WIPI2: variants seen among roughly 807,000 people sequenced by gnomAD.
WIPI2 encodes the protein WD repeat domain phosphoinositide-interacting protein 2.
WIPI2 carries 28 observed loss-of-function variants against 52.3 expected under a neutral mutation model. The observed-to-expected ratio is 0.54, with a 90% confidence interval of 0.40 to 0.73. The LOEUF (loss-of-function observed/expected upper bound fraction) is 0.73. Among genes scored for constraint, WIPI2 ranks in the 30% least tolerant of loss-of-function variants. The probability of loss-of-function intolerance (pLI) is 0.00; values close to 1 mark genes in which losing one functional copy is unlikely to be tolerated. For missense variants in WIPI2, 506 were observed against 602.9 expected (o/e 0.84, Z 1.68); for synonymous variants, 268 against 245.0 (o/e 1.09, Z -0.88).
At chr7:5,202,504 C>T (rs1202966173) in intron 3 of WIPI2, among the ~76,000 whole-genome samples, 2 of 152,118 alleles carry the variant, frequency 1.3e-5, no homozygotes, top group African/African-American at 2.4e-5. Context: ...CCTCCTCAGC[C>T]TCCTGAGTAG....
chr7:5,222,644 C>G lies in WIPI2; in HGVS notation c.712C>G (p.Leu238Val). The G allele has an allele frequency of 1.2e-6, 2 of 1,614,112 alleles. No individual in the cohort carries two copies. Among genetic ancestry groups the G allele is most frequent in the Non-Finnish European group, 1.7e-6 (2 of 1,179,974 alleles). Residue 238 changes from leucine to valine, a missense_variant, in exon 8 of 13, where the codon CTC (leucine) becomes GTC (valine). Physicochemically the swap from Leu to Val is conservative, Grantham distance 32. This residue lies in a region of WIPI2 where 237 missense variants were observed against 346.9 expected (regional missense o/e 0.68). Transcript: ENST00000288828. Reference sequence around the variant, plus strand: ...ATTTTCCATTCCAGAAGGACAAAAACTCTTTGAGTTTCGGAGAGGAGTAAA... The same window carrying G: ...ATTTTCCATTCCAGAAGGACAAAAAGTCTTTGAGTTTCGGAGAGGAGTAAA... ...RVFSIPEGQK[L>V]FEFRRGVKRC...
chr7:5,208,705 G>C (rs1229901314), intron 3 of WIPI2, among the ~76,000 whole-genome samples: 1 of 151,940 alleles, frequency 6.6e-6, no homozygotes, highest in Non-Finnish European at 1.5e-5. Context: ...GATTGCTTTG[G>C]TGCTTTACAG....
chr7:5,193,741 AT>A (rs545942105), intron 2 of WIPI2, among the ~76,000 whole-genome samples: 7 of 149,304 alleles, frequency 4.7e-5, no homozygotes, highest in East Asian at 2.0e-4. Flanking sequence ...CACCTGGCTA[AT>A]TTTTTTTTTA....
chr7:5,222,628 T>C lies in WIPI2; in HGVS notation c.696T>C (p.Ile232=), dbSNP rs1379794285. The change falls in exon 8 of 13, where the codon ATT becomes ATC. Residue 232 remains isoleucine, a synonymous_variant. Transcript: ENST00000288828. ...GGACCGTGATTAGGGTATTTTCCAT[T>C]CCAGAAGGACAAAAACTCTTTGAGT... ...EKGTVIRVFS[I]PEGQKLFEFR... is the part of the protein sequence containing the mutation. 1 of 1,614,080 alleles carries C rather than the reference T, an allele frequency of 6.2e-7. No homozygotes were observed.
intron 3 of WIPI2, among the ~76,000 whole-genome samples, chr7:5,214,006 C>T (rs529393341): frequency 5.9e-5 from 9 of 152,292 alleles, no homozygotes; most frequent in African/African-American, 1.7e-4. Flanking sequence ...TTTCTTAGAA[C>T]GTATGTCAGC....
At chr7:5,199,337 C>G (rs891341829) in intron 2 of WIPI2, among the ~76,000 whole-genome samples, 2 of 152,232 alleles carry the variant, frequency 1.3e-5, no homozygotes, top group Admixed American at 1.3e-4. Flanking sequence ...CCACCACATC[C>G]AGCCTCAGAA....
At chr7:5,214,746 C>T (rs1460761449) in intron 4 of WIPI2, 42 bp downstream of exon 4, 1 of 1,605,004 alleles carries the variant, frequency 6.2e-7, no homozygotes, top group Admixed American at 1.7e-5. Flanking sequence ...TCTGTTGCTC[C>T]CTCCAGCACT....
At chr7:5,215,268 G>GTCA (rs10631804) in intron 4 of WIPI2, among the ~76,000 whole-genome samples, 126,443 of 151,956 alleles carry the variant, frequency 0.83, 52,600 homozygotes, top group East Asian at 0.95. Flanking sequence ...CCAAGGTCAT[G>GTCA]TCATTGCACT....
Position 5,230,830 on chromosome 7 carries a change from T to C in WIPI2, c.1253-5T>C, listed in dbSNP as rs1242656502. On this transcript the variant is annotated splice_region_variant and splice_polypyrimidine_tract_variant and intron_variant, in intron 12 of 12. Coordinates refer to ENST00000288828, the MANE Select transcript of WIPI2 (RefSeq NM_015610.4). The surrounding 1 kb of genome is among the most constrained non-coding windows in gnomAD (Gnocchi z 4.8). Reference sequence around the variant, plus strand: ...TTGAAGGGTGACTTCGTCGTCTCTTTGCAGCCTACACAGACGACCTGGGTG... The same window carrying C: ...TTGAAGGGTGACTTCGTCGTCTCTTCGCAGCCTACACAGACGACCTGGGTG... 1.9e-6 allele frequency: 3 copies of C among 1,611,234 alleles called. No homozygotes were observed. The highest frequency in any genetic ancestry group is 3.4e-5 in the Admixed American group (2 of 59,560).
rs545136626 is a variant in WIPI2 at position 5,225,817 on chromosome 7, C to A, written c.741-6C>A. On this transcript the variant is annotated splice_region_variant and splice_polypyrimidine_tract_variant and intron_variant, in intron 8 of 12. Coordinates refer to ENST00000288828, the MANE Select transcript of WIPI2 (RefSeq NM_015610.4). ...GTGGCCCGCCCCAACCTGTGCGTCTCCCCAGGTGCGTGAGCATCTGCTCCC... is the reference window on the plus strand; with the variant it reads ...GTGGCCCGCCCCAACCTGTGCGTCTACCCAGGTGCGTGAGCATCTGCTCCC... The A allele has an allele frequency of 5.1e-5, 82 of 1,605,910 alleles. 3 individuals are homozygous for A. In the South Asian group the frequency reaches 7.9e-4, roughly 15 times the overall value.
chr7:5,207,172 G>A (rs1236413447), intron 3 of WIPI2, among the ~76,000 whole-genome samples: 2 of 152,110 alleles, frequency 1.3e-5, no homozygotes, highest in African/African-American at 4.8e-5. Context: ...TTTCTTGTAA[G>A]ATAAAATTTA....
intron 8 of WIPI2, 136 bp downstream of exon 8, chr7:5,222,808 A>G: frequency 1.2e-6 from 1 of 837,738 alleles, no homozygotes; most frequent in South Asian, 1.5e-5. Context: ...GTCACCGGGT[A>G]AGATCTGGGC....
Position 5,230,915 on chromosome 7 carries a change from G to A in WIPI2, c.1333G>A (p.Glu445Lys), listed in dbSNP as rs1772853252. 3.1e-6 allele frequency: 5 copies of A among 1,613,732 alleles called. No individual in the cohort carries two copies. Among genetic ancestry groups the A allele is most frequent in the Non-Finnish European group, 4.2e-6 (5 of 1,179,838 alleles). Residue 445 changes from glutamate (E) to lysine (K), a missense_variant, in exon 13 of 13, where the codon GAG becomes AAG. Coordinates refer to ENST00000288828, the MANE Select transcript of WIPI2 (RefSeq NM_015610.4). This position sits in a 1 kb window ranked among gnomAD's most constrained non-coding sequence, Gnocchi z 4.8. The stretch of plus-strand genomic sequence containing the variant: ...CGCCCTGCGCCTGGATGAGGACAGC[G>A]AGCACCCGCCCATGATTCTTCGGAC... ...ASALRLDEDS[E>K]HPPMILRTD
intron 3 of WIPI2, chr7:5,214,279 C>T: frequency 6.8e-7 from 1 of 1,464,092 alleles, no homozygotes; most frequent in Non-Finnish European, 9.0e-7. Context: ...ACAGAACTGA[C>T]TGAAAGGAAC....
intron 1 of WIPI2, chr7:5,190,888 G>C (rs1781449239): frequency 5.8e-6 from 1 of 172,436 alleles, no homozygotes; most frequent in South Asian, 2.0e-4. Flanking sequence ...CCCGCTGCTT[G>C]CTCAGCGTCT....
Position 5,223,595 on chromosome 7 carries a change from G to A in WIPI2, c.740+923G>A, listed in dbSNP as rs547775480. Among the ~76,000 whole-genome samples, 13 of 152,244 alleles carry A rather than the reference G, an allele frequency of 8.5e-5. No homozygotes were observed. In the South Asian group the frequency reaches 1.2e-3, roughly 15 times the overall value. The stretch of plus-strand genomic sequence containing the variant: ...CCCCTCCTGTGCCTGTTTCTGCCCT[G>A]GAGCCGCTCTTCACCCAACCCCCTT... On this transcript the variant is annotated intron_variant, in intron 8 of 12. Transcript: ENST00000288828.
chr7:5,226,235 G>C, intron 9 of WIPI2: 1 of 336,580 alleles, frequency 3.0e-6, no homozygotes, highest in Non-Finnish European at 5.6e-6. Context: ...TTCCCCTCAC[G>C]ACAAAAGCGT....
rs1373029483 is a variant in WIPI2, at chr7:5,231,101, A to G, written c.*154A>G. The G allele has an allele frequency of 8.2e-6, 4 of 487,502 alleles. No homozygotes were observed. Among genetic ancestry groups the G allele is most frequent in the African/African-American group, 2.0e-5 (1 of 50,050 alleles). 30.2% of individuals were successfully genotyped at this position (487,502 alleles called of 1,614,324 possible). On this transcript the variant is annotated 3_prime_UTR_variant, in exon 13 of 13. Transcript: ENST00000288828. Reference sequence around the variant, plus strand: ...AAGATTGTAGTGGTAGTCTAACTCCATAACGCTGAGGAAATACATCATTTT... The same window carrying G: ...AAGATTGTAGTGGTAGTCTAACTCCGTAACGCTGAGGAAATACATCATTTT...
chr7:5,217,110 A>G lies in WIPI2; in HGVS notation c.499A>G (p.Asn167Asp). ...TGCAGGCCTGTGTGCGCTGTCAATC[A>G]ACAACGACAACTGCTACTTGGCGTA... ...NPAGLCALSI[N>D]NDNCYLAYPG... Residue 167 changes from asparagine to aspartate, a missense_variant, in exon 6 of 13, where the codon AAC (asparagine) becomes GAC (aspartate). Asn to Asp is a conservative substitution (Grantham distance 23, BLOSUM62 1). Around this residue, in one of 4 missense-constraint regions of WIPI2, gnomAD observed 237 missense variants for 346.9 expected, o/e 0.68. Coordinates refer to ENST00000288828, the MANE Select transcript of WIPI2 (RefSeq NM_015610.4). 1.2e-6 allele frequency: 2 copies of G among 1,613,412 alleles called. No homozygotes were observed. Among genetic ancestry groups the G allele is most frequent in the Non-Finnish European group, 1.7e-6 (2 of 1,179,384 alleles).
Sources: gnomAD v4.1 joint callset for allele counts (sites outside exome capture counted in the v4.1 genomes callset) on GRCh38, gnomAD v4.1.1 for gene constraint, gnomAD v4.1.1 regional missense constraint, Gnocchi (gnomAD v3.1) non-coding constraint, MANE v1.5 for transcripts, NCBI Gene and HGNC (gene_info 2026-07-23, HGNC 2026-07-21) for gene names.